Variants in BIRC2 observed in about 807,000 individuals in gnomAD.
BIRC2 encodes baculoviral IAP repeat containing 2.
BIRC2 carries 18 observed loss-of-function variants against 60.9 expected under a neutral mutation model. That is an observed-to-expected ratio of 0.30 (90% confidence interval 0.20 to 0.44). The LOEUF (loss-of-function observed/expected upper bound fraction) is 0.44, where lower values mean the gene tolerates loss of function less well. BIRC2 is among the 20% of genes least tolerant of loss of function. The pLI is 1.00. For missense variants in BIRC2, 701 were observed against 728.5 expected (o/e 0.96, Z 0.43); for synonymous variants, 282 against 247.7 (o/e 1.14, Z -1.30).
Position 102,350,363 on chromosome 11 carries a change from C to T in BIRC2, c.509C>T (p.Ser170Phe). 1 of 1,614,210 alleles carries T rather than the reference C, an allele frequency of 6.2e-7. No individual in the cohort carries two copies. The highest frequency in any genetic ancestry group is 1.6e-4 in the Middle Eastern group (1 of 6,062). ...PLNSRAVEDISSSRTNPYSYA... is the reference protein window; with the variant it reads ...PLNSRAVEDIFSSRTNPYSYA... Reference sequence around the variant, plus strand: ...AATTCTAGAGCAGTTGAAGACATCTCTTCATCGAGGACTAACCCCTACAGT... The same window carrying T: ...AATTCTAGAGCAGTTGAAGACATCTTTTCATCGAGGACTAACCCCTACAGT... Residue 170 changes from serine to phenylalanine, a missense_variant, in exon 2 of 9, where the codon TCT becomes TTT. Ser to Phe is a radical substitution (Grantham distance 155, BLOSUM62 -2). Transcript: ENST00000227758.
chr11:102,352,035 T>C (rs1951368503), intron 3 of BIRC2, among the ~76,000 whole-genome samples: 1 of 152,132 alleles, frequency 6.6e-6, no homozygotes, highest in South Asian at 2.1e-4. Flanking sequence ...TGAAACTGTC[T>C]ACCCATCAAG....
intron 6 of BIRC2, among the ~76,000 whole-genome samples, chr11:102,374,969 GA>G (rs1172519056): frequency 6.6e-6 from 1 of 152,200 alleles, no homozygotes; most frequent in African/African-American, 2.4e-5. Context: ...CTCGGAAAGG[GA>G]ACTCCTTGAC....
In BIRC2 at chr11:102,377,981, T is replaced by G; in HGVS notation, c.1664-9T>G. The G allele has an allele frequency of 1.2e-6, 2 of 1,602,506 alleles. No individual in the cohort carries two copies. The highest frequency in any genetic ancestry group is 1.7e-6 in the Non-Finnish European group (2 of 1,176,504). On this transcript the variant is annotated splice_polypyrimidine_tract_variant and intron_variant, in intron 8 of 8. Transcript: ENST00000227758. ...AAACAATTTCACTAAAGTTATTTTT[T>G]GTTATTAGGTCTGTCACTGGAAGAA... is the stretch of plus-strand genomic sequence containing the variant.
At chr11:102,376,611 C>T (rs750181936) in intron 6 of BIRC2, among the ~76,000 whole-genome samples, 1 of 151,834 alleles carries the variant, frequency 6.6e-6, no homozygotes, top group African/African-American at 2.4e-5. Context: ...CTACCATATT[C>T]CATAAATATA....
intron 3 of BIRC2, among the ~76,000 whole-genome samples, chr11:102,356,889 C>CA (rs1206155037): frequency 1.3e-5 from 2 of 151,926 alleles, no homozygotes; most frequent in African/African-American, 4.8e-5. Context: ...AGGCTGGTCT[C>CA]AAACTCCTGA....
intron 6 of BIRC2, among the ~76,000 whole-genome samples, chr11:102,377,225 A>T (rs886902485): frequency 2.0e-5 from 3 of 152,162 alleles, no homozygotes; most frequent in Admixed American, 6.5e-5. Flanking sequence ...TGGTGGGGGG[A>T]AATTTTTACT....
chr11:102,354,730 C>G (rs1372848077), intron 3 of BIRC2, among the ~76,000 whole-genome samples: 2 of 152,300 alleles, frequency 1.3e-5, no homozygotes, highest in East Asian at 3.9e-4. Flanking sequence ...GTTCCCTTTT[C>G]TTCACATCTT....
chr11:102,351,351 A>C (rs1373178096), intron 3 of BIRC2, among the ~76,000 whole-genome samples: 1 of 152,136 alleles, frequency 6.6e-6, no homozygotes, highest in Non-Finnish European at 1.5e-5. Context: ...GTGGTGGCTC[A>C]CACCTGTAAT....
At position 102,350,851 on chromosome 11, in the gene BIRC2, T is replaced by G; in HGVS notation, c.903T>G (p.Asn301Lys). Residue 301 changes from asparagine (N) to lysine (K), a missense_variant, in exon 3 of 9, where the codon AAT becomes AAG. By Grantham distance (94) the Asn-to-Lys change is moderately conservative (BLOSUM62 0). Transcript: ENST00000227758. The part of the protein sequence containing the change: ...ASAGFYYVGR[N>K]DDVKCFCCDG... ...GTCTTTTTTTTCCTGAAGGTCGCAA[T>G]GATGATGTCAAATGCTTTTGTTGTG... 6.2e-7 allele frequency: 1 copy of G among 1,613,778 alleles called. No homozygotes were observed. Among genetic ancestry groups the G allele is most frequent in the South Asian group, 1.1e-5 (1 of 90,940 alleles).
At position 102,362,988 on chromosome 11, in the gene BIRC2, T is replaced by A; in HGVS notation, c.1074+14T>A. ...CTTCTTGAACAGGTAAATACATTTTTAAAATTAACAACATTGAATTCTGCT... is the reference window on the plus strand; with the variant it reads ...CTTCTTGAACAGGTAAATACATTTTAAAAATTAACAACATTGAATTCTGCT... On this transcript the variant is annotated intron_variant, in intron 4 of 8. Coordinates refer to ENST00000227758, the MANE Select transcript of BIRC2 (RefSeq NM_001166.5). 6.4e-7 allele frequency: 1 copy of A among 1,551,418 alleles called. No individual in the cohort carries two copies. Among genetic ancestry groups the A allele is most frequent in the Non-Finnish European group, 8.9e-7 (1 of 1,125,952 alleles).
chr11:102,365,772 T>TG (rs1565336199), intron 5 of BIRC2, among the ~76,000 whole-genome samples: 2 of 137,814 alleles, frequency 1.5e-5, no homozygotes, highest in African/African-American at 5.6e-5. Flanking sequence ...GTGTGTGTGT[T>TG]TGTAGATACA....
chr11:102,356,195 CTT>C (rs540599539), intron 3 of BIRC2, among the ~76,000 whole-genome samples: 15 of 126,936 alleles, frequency 1.2e-4, no homozygotes, highest in East Asian at 2.2e-4. Flanking sequence ...AAGCTGAAAG[CTT>C]TTTTTTTTTT....
Position 102,377,524 on chromosome 11 carries a change from A to T in BIRC2, c.1395A>T (p.Arg465Ser). 1 of 1,598,906 alleles carries T rather than the reference A, an allele frequency of 6.3e-7. No individual in the cohort carries two copies. The highest frequency in any genetic ancestry group is 8.5e-7 in the Non-Finnish European group (1 of 1,176,438). Reference protein sequence around the residue: ...SDDLSLIRKNRMALFQQLTCV... With the variant: ...SDDLSLIRKNSMALFQQLTCV... ...ATTTGTCATTAATTCGGAAGAACAG[A>T]ATGGCTCTCTTTCAACAATTGACAT... The change falls in exon 7 of 9, where the codon AGA becomes AGT. Residue 465 changes from arginine (R) to serine (S), a missense_variant. Transcript: ENST00000227758.
At chr11:102,362,264 CAT>C (rs1304905808) in intron 3 of BIRC2, among the ~76,000 whole-genome samples, 4 of 151,620 alleles carry the variant, frequency 2.6e-5, no homozygotes, top group African/African-American at 9.7e-5. Flanking sequence ...TTTTTTTTAA[CAT>C]ATGAATATTC....
At chr11:102,370,180 T>C (rs1261436699) in intron 6 of BIRC2, among the ~76,000 whole-genome samples, 5 of 149,502 alleles carry the variant, frequency 3.3e-5, no homozygotes, top group Non-Finnish European at 7.5e-5. Flanking sequence ...TTAGATCCCA[T>C]TTGTCAATTT....
In BIRC2 at chr11:102,353,410, A is replaced by G. The variant is rs375239506; in HGVS notation, c.995+2467A>G. Among the ~76,000 whole-genome samples, 30 of 152,200 alleles carry G rather than the reference A, an allele frequency of 2.0e-4. No homozygotes were observed. The East Asian group carries it at 4.8e-3, about 24-fold the overall frequency. Reference sequence around the variant, plus strand: ...AGTGGCAAGATGGCAGTTCACTGCAACCTCCACCTCCTGGGTTCAAGCCTC... The same window carrying G: ...AGTGGCAAGATGGCAGTTCACTGCAGCCTCCACCTCCTGGGTTCAAGCCTC... On this transcript the variant is annotated intron_variant, in intron 3 of 8. Transcript: ENST00000227758.
chr11:102,369,208 C>A (rs2135819159), intron 6 of BIRC2, among the ~76,000 whole-genome samples: 1 of 149,520 alleles, frequency 6.7e-6, no homozygotes, highest in South Asian at 2.1e-4. Context: ...TACATGTGCA[C>A]ATTGTGCAGG....
intron 6 of BIRC2, among the ~76,000 whole-genome samples, chr11:102,372,537 T>G (rs2135822276): frequency 6.6e-6 from 1 of 151,898 alleles, no homozygotes; most frequent in African/African-American, 2.4e-5. Flanking sequence ...AGAGATAGTT[T>G]GTTATAATTT....
chr11:102,377,801 C>G (rs757646945), intron 7 of BIRC2, 51 bp downstream of exon 7: 1 of 1,593,594 alleles, frequency 6.3e-7, no homozygotes, highest in South Asian at 1.2e-5. Context: ...TGGCCAGATG[C>G]GGTGGCTCAG....
Sources: allele counts gnomAD v4.1 joint callset (sites outside exome capture counted in the v4.1 genomes callset), GRCh38; gene constraint gnomAD v4.1.1; transcripts MANE v1.5; gene names NCBI Gene and HGNC (gene_info 2026-07-23, HGNC 2026-07-21).